Variants in RGSL1 observed in about 807,000 individuals in gnomAD.
The protein encoded by RGSL1 is regulator of G protein signaling protein-like.
A neutral mutation model predicts 124.7 loss-of-function variants in RGSL1; 97 were observed. The ratio of observed to expected loss-of-function variants is 0.78; its 90% CI spans 0.66 to 0.92. The LOEUF is 0.92. RGSL1 is among the 40% of genes least tolerant of loss of function. The pLI, the probability that RGSL1 is intolerant of heterozygous loss-of-function variation, is 0.00. For synonymous variants in RGSL1, 424 were observed against 438.1 expected (o/e 0.97, Z 0.40); for missense variants, 1,233 against 1,288.4 (o/e 0.96, Z 0.66).
intron 10 of RGSL1, among the ~76,000 whole-genome samples, chr1:182,525,088 T>A (rs1658643715): frequency 6.6e-6 from 1 of 152,098 alleles, no homozygotes; most frequent in Non-Finnish European, 1.5e-5. Context: ...GCCCGATAAG[T>A]CATTTAACAA....
intron 9 of RGSL1, among the ~76,000 whole-genome samples, chr1:182,517,183 T>A (rs1038471688): frequency 3.9e-5 from 6 of 152,164 alleles, no homozygotes; most frequent in African/African-American, 1.2e-4. Flanking sequence ...TTTGAAAATG[T>A]TGCTCAACTC....
At chr1:182,504,193 C>T (rs767070772) in intron 9 of RGSL1, among the ~76,000 whole-genome samples, 54 of 152,104 alleles carry the variant, frequency 3.6e-4, no homozygotes, top group Non-Finnish European at 6.8e-4. Flanking sequence ...GTTGGCCAGA[C>T]TGGTCTCGAA....
intron 13 of RGSL1, among the ~76,000 whole-genome samples, chr1:182,531,582 C>T (rs918398390): frequency 1.3e-5 from 2 of 152,104 alleles, no homozygotes; most frequent in Admixed American, 1.3e-4. Context: ...AAAATAATAC[C>T]TAAGTCCATT....
At chr1:182,458,994 C>T (rs1156420102) in intron 3 of RGSL1, among the ~76,000 whole-genome samples, 1 of 152,126 alleles carries the variant, frequency 6.6e-6, no homozygotes, top group Non-Finnish European at 1.5e-5. Flanking sequence ...TCACATCTAC[C>T]GTGATAGGTT....
intron 15 of RGSL1, among the ~76,000 whole-genome samples, chr1:182,547,725 G>A (rs1660303740): frequency 6.6e-6 from 1 of 152,128 alleles, no homozygotes; most frequent in Non-Finnish European, 1.5e-5. Context: ...GCCAGGTGTG[G>A]TGGCAGACGC....
At chr1:182,490,130 T>C (rs539749874) in intron 8 of RGSL1, among the ~76,000 whole-genome samples, 1 of 152,372 alleles carries the variant, frequency 6.6e-6, no homozygotes, top group Non-Finnish European at 1.5e-5. Context: ...TTATGTTTCA[T>C]GTCATATAAA....
intron 6 of RGSL1, among the ~76,000 whole-genome samples, chr1:182,480,460 GTT>G (rs34766284): frequency 6.3e-5 from 9 of 142,126 alleles, no homozygotes; most frequent in Admixed American, 1.4e-4. Context: ...AACATTACAA[GTT>G]TTTTTTTTTT....
chr1:182,531,651 C>A (rs1362485128), intron 13 of RGSL1, among the ~76,000 whole-genome samples: 1 of 152,102 alleles, frequency 6.6e-6, no homozygotes, highest in Non-Finnish European at 1.5e-5. Flanking sequence ...GTATTTCCTC[C>A]ATATATGAAT....
At chr1:182,552,492 G>A (rs140536242) in intron 18 of RGSL1, among the ~76,000 whole-genome samples, 53 of 152,256 alleles carry the variant, frequency 3.5e-4, no homozygotes, top group Non-Finnish European at 6.5e-4. Context: ...TCTTTCAGGG[G>A]AAAGTTCTGA....
In RGSL1 at chr1:182,521,988, G is replaced by T. The variant is rs772202185; in HGVS notation, c.1826-16G>T. On this transcript the variant is annotated splice_polypyrimidine_tract_variant and intron_variant, in intron 9 of 21. Coordinates refer to ENST00000294854, the MANE Select transcript of RGSL1 (RefSeq NM_001137669.2). ...TTATAATATAGTGTTCTCCAACTTA[G>T]TGATTTTTTTTTTAGATTTTAAAAT... is the stretch of plus-strand genomic sequence containing the variant. The T allele has an allele frequency of 8.2e-6, 12 of 1,466,108 alleles. No individual in the cohort carries two copies. Among genetic ancestry groups the T allele is most frequent in the Middle Eastern group, 1.7e-4 (1 of 5,780 alleles). The allele number at this position is 1,466,108 out of a possible 1,614,324, so 90.8% of individuals were successfully genotyped here.
intron 17 of RGSL1, 28 bp from the exon 18 acceptor site, chr1:182,551,072 C>T (rs1558435657): frequency 6.6e-7 from 1 of 1,505,884 alleles, no homozygotes; most frequent in Non-Finnish European, 9.0e-7. Context: ...GGGTTCCCTC[C>T]TATGACCAGA....
chr1:182,495,367 T>C (rs1655835965), intron 9 of RGSL1, among the ~76,000 whole-genome samples: 1 of 152,214 alleles, frequency 6.6e-6, no homozygotes, highest in Non-Finnish European at 1.5e-5. Flanking sequence ...TTCATGGTAG[T>C]TGTTTTTTGG....
chr1:182,548,476 A>G lies in RGSL1; in HGVS notation c.2808+21A>G, dbSNP rs545217627. 11 of 1,549,526 alleles carry G rather than the reference A, an allele frequency of 7.1e-6. No individual in the cohort carries two copies. In the East Asian group the frequency reaches 2.0e-4, roughly 28 times the overall value. The stretch of plus-strand genomic sequence containing the variant: ...TGAGGGTAAGAAAGACTCCCACTCC[A>G]CTCTGGCCTTTCACCAAGAAGCATT... On this transcript the variant is annotated intron_variant, in intron 16 of 21. Transcript: ENST00000294854.
intron 10 of RGSL1, among the ~76,000 whole-genome samples, chr1:182,524,702 C>T (rs1403902971): frequency 1.3e-5 from 2 of 152,170 alleles, no homozygotes; most frequent in African/African-American, 2.4e-5. Context: ...CAACAGAGGG[C>T]ACTGATATGG....
intron 6 of RGSL1, among the ~76,000 whole-genome samples, chr1:182,479,285 G>A (rs185158609): frequency 1.3e-4 from 20 of 152,164 alleles, no homozygotes; most frequent in East Asian, 5.8e-4. Flanking sequence ...TATAACCACC[G>A]AAATTAGTTA....
At chr1:182,535,350 G>A (rs2102283321) in intron 14 of RGSL1, among the ~76,000 whole-genome samples, 1 of 152,242 alleles carries the variant, frequency 6.6e-6, no homozygotes, top group Middle Eastern at 3.4e-3. Context: ...TAATCTTACT[G>A]ATTTTCTTAA....
At chr1:182,488,489 T>C (rs1655261060) in intron 7 of RGSL1, 142 bp downstream of exon 7, 3 of 818,792 alleles carry the variant, frequency 3.7e-6, no homozygotes, top group Non-Finnish European at 5.9e-6. Context: ...ATGGTCCCTG[T>C]TGTTCTAAAG....
intron 9 of RGSL1, among the ~76,000 whole-genome samples, chr1:182,506,788 G>A (rs1169623519): frequency 6.6e-6 from 1 of 152,074 alleles, no homozygotes; most frequent in South Asian, 2.1e-4. Flanking sequence ...GATGTACATA[G>A]TTTCAGGGTA....
intron 9 of RGSL1, among the ~76,000 whole-genome samples, chr1:182,498,697 AGT>A (rs1301981637): frequency 6.6e-6 from 1 of 152,020 alleles, no homozygotes; most frequent in East Asian, 1.9e-4. Context: ...ATGGGCCAAC[AGT>A]GTGGTTGGTT....
Sources: gnomAD v4.1 joint callset for allele counts (sites outside exome capture counted in the v4.1 genomes callset) on GRCh38, gnomAD v4.1.1 for gene constraint, MANE v1.5 for transcripts, NCBI Gene and HGNC (gene_info 2026-07-23, HGNC 2026-07-21) for gene names.